Variants in SLIT3 observed in about 807,000 individuals in gnomAD.
The protein encoded by SLIT3 is slit homolog 3 protein.
SLIT3 carries 68 observed loss-of-function variants against 184.0 expected under a neutral mutation model. The observed-to-expected ratio is 0.37, with a 90% CI of 0.30 to 0.45. SLIT3 has a LOEUF of 0.45. SLIT3 is among the 20% of genes least tolerant of loss of function. The pLI is 1.00. For missense variants in SLIT3, 1,707 were observed against 2,026.0 expected (o/e 0.84, Z 3.02); for synonymous variants, 831 against 828.6 (o/e 1.00, Z -0.05).
At chr5:168,958,689 TC>T (rs1368125738) in intron 4 of SLIT3, among the ~76,000 whole-genome samples, 2 of 152,154 alleles carry the variant, frequency 1.3e-5, no homozygotes, top group African/African-American at 4.8e-5. Context: ...GGAAGACTTT[TC>T]CCCCTAGAGA....
At chr5:168,911,007 G>T (rs961983023) in intron 4 of SLIT3, among the ~76,000 whole-genome samples, 1 of 152,004 alleles carries the variant, frequency 6.6e-6, no homozygotes, top group South Asian at 2.1e-4. Flanking sequence ...AGAGCAGCCC[G>T]CTGTTCTGTA....
chr5:168,723,704 G>C (rs543477517), intron 21 of SLIT3, among the ~76,000 whole-genome samples: 1 of 152,152 alleles, frequency 6.6e-6, no homozygotes, highest in Admixed American at 6.5e-5. Context: ...CTGCAACCTC[G>C]AGCTTCCCTG....
chr5:169,017,063 A>T (rs13359468), intron 4 of SLIT3, among the ~76,000 whole-genome samples: 38,907 of 152,020 alleles, frequency 0.26, 5,568 homozygotes, highest in East Asian at 0.52. Flanking sequence ...GTATTCTTGA[A>T]AGCAACTGCT....
intron 8 of SLIT3, among the ~76,000 whole-genome samples, chr5:168,814,253 T>C (rs1055590742): frequency 6.6e-6 from 1 of 152,016 alleles, no homozygotes; most frequent in Non-Finnish European, 1.5e-5. Context: ...AAAAATTAGC[T>C]AGGCAGGGTG....
At chr5:169,034,788 G>C (rs1305417428) in intron 4 of SLIT3, among the ~76,000 whole-genome samples, 2 of 149,398 alleles carry the variant, frequency 1.3e-5, no homozygotes, top group South Asian at 2.1e-4. Context: ...CTGTCACCCA[G>C]ACTGGAGTGC....
chr5:169,107,426 C>T (rs1290502167), intron 4 of SLIT3, among the ~76,000 whole-genome samples: 1 of 152,194 alleles, frequency 6.6e-6, no homozygotes, highest in Non-Finnish European at 1.5e-5. Context: ...ACTGGTCTTT[C>T]ATTGCAAGTA....
intron 4 of SLIT3, among the ~76,000 whole-genome samples, chr5:169,070,797 CAAA>C (rs34764320): frequency 2.2e-4 from 25 of 116,020 alleles, no homozygotes; most frequent in Admixed American, 2.6e-4. Context: ...ACATTTTCCT[CAAA>C]AAAAAAAAAA....
chr5:169,154,941 G>T (rs1454417006), intron 4 of SLIT3, among the ~76,000 whole-genome samples: 1 of 152,138 alleles, frequency 6.6e-6, no homozygotes, highest in African/African-American at 2.4e-5. Context: ...GCCATCTTTG[G>T]ACTACATCTC....
intron 4 of SLIT3, among the ~76,000 whole-genome samples, chr5:169,091,969 C>T (rs1390516375): frequency 6.6e-6 from 1 of 152,154 alleles, no homozygotes; most frequent in Non-Finnish European, 1.5e-5. Flanking sequence ...TGCCTGTAAT[C>T]CCAGCACTTT....
intron 4 of SLIT3, chr5:169,012,164 GA>G (rs1307603188): frequency 1.3e-5 from 2 of 152,158 alleles, no homozygotes; most frequent in African/African-American, 4.8e-5. Context: ...TGATTGCCTA[GA>G]AGACTTTATT....
At chr5:168,876,690 A>C (rs1444591693) in intron 5 of SLIT3, among the ~76,000 whole-genome samples, 1 of 152,200 alleles carries the variant, frequency 6.6e-6, no homozygotes, top group Non-Finnish European at 1.5e-5. Flanking sequence ...TTCCACATAT[A>C]GTTGTCCTTA....
intron 3 of SLIT3, among the ~76,000 whole-genome samples, chr5:169,228,107 T>C (rs1764872825): frequency 6.6e-6 from 1 of 152,204 alleles, no homozygotes. Flanking sequence ...TTGTGCACTG[T>C]ACAGTATACA....
chr5:169,237,795 T>G (rs2113565438), intron 3 of SLIT3, among the ~76,000 whole-genome samples: 1 of 152,312 alleles, frequency 6.6e-6, no homozygotes, highest in East Asian at 1.9e-4. Flanking sequence ...TTTAAATCTC[T>G]TTGTATATTT....
chr5:168,696,214 T>A, intron 28 of SLIT3, 78 bp downstream of exon 28: 3 of 1,527,802 alleles, frequency 2.0e-6, no homozygotes, highest in Non-Finnish European at 2.7e-6. Context: ...AGGAAGAGAG[T>A]CCCTGGAGGA....
intron 4 of SLIT3, among the ~76,000 whole-genome samples, chr5:169,079,906 AGAAGAGGAG>A (rs1758949150): frequency 8.0e-6 from 1 of 125,220 alleles, no homozygotes; most frequent in Non-Finnish European, 1.7e-5. Context: ...AGAGTGAAGA[AGAAGAGGAG>A]GAAGAGGAAT....
At chr5:169,248,014 G>A (rs553229855) in intron 2 of SLIT3, among the ~76,000 whole-genome samples, 54 of 152,258 alleles carry the variant, frequency 3.5e-4, no homozygotes, top group African/African-American at 1.1e-3. Context: ...GGTGGAGGAA[G>A]AGTGTGGTTG....
At chr5:168,972,206 A>G (rs1055485570) in intron 4 of SLIT3, among the ~76,000 whole-genome samples, 1 of 152,088 alleles carries the variant, frequency 6.6e-6, no homozygotes, top group African/African-American at 2.4e-5. Context: ...GGGAAAGAGG[A>G]AGCACCAGGC....
chr5:169,273,369 C>T (rs1259049737), intron 1 of SLIT3, among the ~76,000 whole-genome samples: 3 of 152,204 alleles, frequency 2.0e-5, no homozygotes, highest in East Asian at 1.9e-4. Flanking sequence ...ATTCAAGAGG[C>T]GTGCATAGCT....
intron 4 of SLIT3, among the ~76,000 whole-genome samples, chr5:169,074,907 T>G (rs1758682244): frequency 2.6e-5 from 4 of 152,146 alleles, no homozygotes; most frequent in African/African-American, 9.7e-5. Context: ...ACAAGCTAAC[T>G]GCTGGGAAGA....
Sources: allele counts gnomAD v4.1 joint callset (sites outside exome capture counted in the v4.1 genomes callset), GRCh38; gene constraint gnomAD v4.1.1; transcripts MANE v1.5; gene names NCBI Gene and HGNC (gene_info 2026-07-23, HGNC 2026-07-21).